Variants in JAK2 observed in about 807,000 individuals in gnomAD.
The protein encoded by JAK2 is Janus kinase 2.
In JAK2, 86 loss-of-function variants were observed where a neutral mutation model predicts 139.3. The ratio of observed to expected loss-of-function variants is 0.62; its 90% CI spans 0.52 to 0.74. JAK2 has a LOEUF of 0.74. JAK2 is among the 30% of genes least tolerant of loss of function. The pLI is 0.00. For synonymous variants in JAK2, 490 were observed against 437.7 expected, an observed-to-expected ratio of 1.12 and a Z score of -1.49; for missense variants, 1,421 against 1,360.3, an observed-to-expected ratio of 1.04 and a Z score of -0.70.
chr9:5,090,891 T>G lies in JAK2; in HGVS notation c.3039T>G (p.Pro1013=). ...AAGAATACTATAAAGTAAAAGAACC[T>G]GGTGAAAGTCCCATATTCTGGTGAG... ...QDKEYYKVKE[P]GESPIFWYAP... is the part of the protein sequence containing the mutation. The change falls in exon 22 of 25, where the codon CCT becomes CCG. Residue 1013 remains proline, a synonymous_variant. Coordinates refer to ENST00000381652, the MANE Select transcript of JAK2 (RefSeq NM_004972.4). 6.2e-7 allele frequency: 1 copy of G among 1,604,456 alleles called. No individual in the cohort carries two copies. The highest frequency in any genetic ancestry group is 1.1e-5 in the South Asian group (1 of 88,920).
intron 22 of JAK2, chr9:5,098,027 G>A (rs1821152131): frequency 6.6e-6 from 1 of 152,028 alleles, no homozygotes; most frequent in African/African-American, 2.4e-5. Flanking sequence ...CTCATCCTTA[G>A]GCTCATTTAT....
chr9:5,036,920 C>T (rs144896281), intron 4 of JAK2, among the ~76,000 whole-genome samples: 6,558 of 152,264 alleles, frequency 0.043, 467 homozygotes, highest in African/African-American at 0.15. Flanking sequence ...TCAGAGTGAA[C>T]AGGCAACCTA....
chr9:5,055,742 A>T lies in JAK2; in HGVS notation c.1010A>T (p.Asn337Ile). The T allele has an allele frequency of 6.2e-7, 1 of 1,610,994 alleles. No individual in the cohort carries two copies. The highest frequency in any genetic ancestry group is 8.5e-7 in the Non-Finnish European group (1 of 1,177,798). ...SIKQANQEGS[N>I]ESRVVTIHKQ... ...AAGCAAGCAAACCAAGAGGGTTCAA[A>T]TGAAAGCCGAGTTGTAACTATCCAT... Residue 337 changes from asparagine (N) to isoleucine (I), a missense_variant, in exon 8 of 25, where the codon AAT becomes ATT. Asn to Ile is a moderately radical substitution (Grantham distance 149, BLOSUM62 -3). Coordinates refer to ENST00000381652, the MANE Select transcript of JAK2 (RefSeq NM_004972.4).
intron 10 of JAK2, among the ~76,000 whole-genome samples, chr9:5,067,381 G>A (rs1324137097): frequency 6.6e-6 from 1 of 151,994 alleles, no homozygotes; most frequent in Non-Finnish European, 1.5e-5. Context: ...CACTTATGAG[G>A]CAATTTCATG....
At chr9:5,114,437 G>C (rs371793523) in intron 22 of JAK2, 10 of 486,740 alleles carry the variant, frequency 2.1e-5, no homozygotes, top group Admixed American at 1.8e-4. Flanking sequence ...ACCAGTGCAG[G>C]GTGACCCACA....
chr9:5,122,981 A>T, intron 22 of JAK2, 23 bp from the exon 23 acceptor site: 1 of 1,471,192 alleles, frequency 6.8e-7, no homozygotes, highest in Non-Finnish European at 9.4e-7. Flanking sequence ...ACTGTCTTTT[A>T]AATGTTATTC....
At chr9:5,100,172 T>C (rs764796393) in intron 22 of JAK2, 2 of 152,220 alleles carry the variant, frequency 1.3e-5, no homozygotes, top group Non-Finnish European at 2.9e-5. Context: ...AAATTCGCCA[T>C]AGACCTTATT....
rs183015968 is a variant in JAK2, at chr9:5,011,792, A to C, written c.-25-10171A>C. ...CTAGCAGGCAGTTAAATTTACTAGC[A>C]GACCAACTTGATCCTGCGGAGGCTT... On this transcript the variant is annotated intron_variant, in intron 2 of 24. Transcript: ENST00000381652. Among the ~76,000 whole-genome samples, 80 of 152,328 alleles carry C rather than the reference A, an allele frequency of 5.3e-4. 1 individual carries two copies. The highest frequency in any genetic ancestry group is 1.8e-3 in the African/African-American group (76 of 41,556).
intron 23 of JAK2, among the ~76,000 whole-genome samples, chr9:5,125,290 A>G (rs1451015449): frequency 1.3e-5 from 2 of 151,094 alleles, no homozygotes; most frequent in African/African-American, 4.8e-5. Flanking sequence ...TTAAGGTCAT[A>G]CTGTGCAGTT....
chr9:5,023,919 A>G (rs1822603896), intron 3 of JAK2, among the ~76,000 whole-genome samples: 1 of 151,320 alleles, frequency 6.6e-6, no homozygotes. Flanking sequence ...AAGATTTTTT[A>G]GCTTGTAAGA....
rs1044220890 is a variant in JAK2, at chr9:5,084,832, AAG to A, written c.2571+2972_2571+2973del. Among the ~76,000 whole-genome samples the A allele has an allele frequency of 7.5e-4, 114 of 152,356 alleles. 1 individual carries two copies. The highest frequency in any genetic ancestry group is 1.6e-3 in the Admixed American group (24 of 15,308). On this transcript the variant is annotated intron_variant, in intron 19 of 24. Transcript: ENST00000381652. ...TTCAGATGGTTTAATTACATTTAAA[AAG>A]TTTTCTGAAAAAACTTTTGCAATAA...
In JAK2 at chr9:5,080,228, G is replaced by C; in HGVS notation, c.2132-1G>C. ...CCTACTCTGTTCGTATCATTTAAAA[G>C]TTCTTCAGGAGAGAATACCATGGGT... On this transcript the variant is annotated splice_acceptor_variant, in intron 16 of 24. Coordinates refer to ENST00000381652, the MANE Select transcript of JAK2 (RefSeq NM_004972.4). LOFTEE classifies it high-confidence loss of function. The C allele has an allele frequency of 6.2e-7, 1 of 1,606,774 alleles. No homozygotes were observed.
intron 22 of JAK2, 109 bp from the exon 23 acceptor site, chr9:5,122,895 C>A: frequency 1.5e-6 from 1 of 677,386 alleles, no homozygotes; most frequent in Non-Finnish European, 2.4e-6. Context: ...GCTGTGATAA[C>A]TCTTTTCTCT....
At chr9:5,007,210 C>T (rs76476968) in intron 2 of JAK2, among the ~76,000 whole-genome samples, 13,288 of 151,922 alleles carry the variant, frequency 0.087, 1,696 homozygotes, top group African/African-American at 0.29. Context: ...TAACATTGTT[C>T]AGCCTTTCTT....
intron 22 of JAK2, among the ~76,000 whole-genome samples, chr9:5,105,394 A>G: frequency 6.6e-6 from 1 of 152,196 alleles, no homozygotes; most frequent in Non-Finnish European, 1.5e-5. Flanking sequence ...ACTACAAACC[A>G]CTGCTCAATG....
intron 8 of JAK2, among the ~76,000 whole-genome samples, chr9:5,060,361 ATTGT>A (rs1563965470): frequency 6.6e-6 from 1 of 152,164 alleles, no homozygotes; most frequent in African/African-American, 2.4e-5. Flanking sequence ...AGCATGTGAC[ATTGT>A]TTGGTAACAT....
intron 22 of JAK2, among the ~76,000 whole-genome samples, chr9:5,122,368 G>C (rs548335619): frequency 6.6e-6 from 1 of 152,042 alleles, no homozygotes; most frequent in Admixed American, 6.6e-5. Context: ...CCCTCTTCTG[G>C]TTAACAGGTT....
intron 4 of JAK2, chr9:5,041,763 G>T: frequency 2.0e-6 from 1 of 489,270 alleles, no homozygotes; most frequent in South Asian, 1.5e-5. Context: ...TGTCCACACC[G>T]ACCTGCCCTC....
At chr9:4,991,694 CA>C (rs1424944447) in intron 2 of JAK2, among the ~76,000 whole-genome samples, 6 of 141,320 alleles carry the variant, frequency 4.2e-5, no homozygotes, top group African/African-American at 1.0e-4. Context: ...CCCACCCCCC[CA>C]CCCCACATCT....
Sources: gnomAD v4.1 joint callset for allele counts (sites outside exome capture counted in the v4.1 genomes callset) on GRCh38, gnomAD v4.1.1 for gene constraint, MANE v1.5 for transcripts, NCBI Gene and HGNC (gene_info 2026-07-23, HGNC 2026-07-21) for gene names.